The following CCNJL variants were observed in gnomAD, a reference collection of about 807,000 sequenced individuals.
The protein encoded by CCNJL is cyclin-J-like protein.
Under a neutral mutation model 33.4 loss-of-function variants are expected in CCNJL, and 33 were observed. That is an observed-to-expected ratio of 0.99 (90% confidence interval 0.75 to 1.32). The LOEUF (loss-of-function observed/expected upper bound fraction) is 1.32. CCNJL is among the 40% of genes most tolerant of loss of function. CCNJL has a pLI of 0.00. For missense variants in CCNJL, 512 were observed against 499.7 expected (o/e 1.02, Z -0.23); for synonymous variants, 227 against 220.9 (o/e 1.03, Z -0.24).
chr5:160,269,302 C>T (rs1761733794), intron 3 of CCNJL, among the ~76,000 whole-genome samples: 1 of 152,214 alleles, frequency 6.6e-6, no homozygotes, highest in Non-Finnish European at 1.5e-5. Flanking sequence ...TGACTGAAAG[C>T]AGGGCCTGCG....
intron 3 of CCNJL, among the ~76,000 whole-genome samples, chr5:160,274,206 C>T (rs981909589): frequency 1.3e-5 from 2 of 151,974 alleles, no homozygotes; most frequent in African/African-American, 4.8e-5. Flanking sequence ...CGTTTGTAAT[C>T]CCAGCACTTT....
At chr5:160,310,913 A>G (rs915981995) in intron 2 of CCNJL, among the ~76,000 whole-genome samples, 2 of 152,074 alleles carry the variant, frequency 1.3e-5, no homozygotes, top group Non-Finnish European at 2.9e-5. Flanking sequence ...CCCTGCTAAC[A>G]CCTTGATCTG....
chr5:160,298,557 C>A (rs147333252), intron 2 of CCNJL, among the ~76,000 whole-genome samples: 1 of 152,256 alleles, frequency 6.6e-6, no homozygotes, highest in East Asian at 1.9e-4. Context: ...GGAGCTAGCT[C>A]TACAACAAAT....
intron 2 of CCNJL, among the ~76,000 whole-genome samples, chr5:160,283,188 T>C (rs757900880): frequency 6.6e-6 from 1 of 151,314 alleles, no homozygotes; most frequent in East Asian, 2.0e-4. Flanking sequence ...ATATTACACA[T>C]GTTACAGCAG....
intron 5 of CCNJL, chr5:160,255,312 CA>C (rs201717811): frequency 6.2e-3 from 1,803 of 292,382 alleles, no homozygotes; most frequent in South Asian, 9.2e-3. Flanking sequence ...GACTCTGTCT[CA>C]AAAAAAAAAT....
At chr5:160,322,586 C>T (rs972278672) in intron 1 of CCNJL, among the ~76,000 whole-genome samples, 17 of 152,226 alleles carry the variant, frequency 1.1e-4, no homozygotes, top group Admixed American at 8.5e-4. Flanking sequence ...AAAATGATCT[C>T]ACGAGCATTT....
intron 4 of CCNJL, chr5:160,258,263 A>G (rs1263029452): frequency 2.8e-6 from 2 of 703,564 alleles, no homozygotes; most frequent in Admixed American, 4.0e-5. Flanking sequence ...ATGGCTGGCA[A>G]GAAGGCTGTT....
At chr5:160,324,546 C>G (rs552004118) in intron 1 of CCNJL, among the ~76,000 whole-genome samples, 1 of 152,228 alleles carries the variant, frequency 6.6e-6, no homozygotes, top group East Asian at 1.9e-4. Context: ...GTACTCCAGC[C>G]TGGGCAACAA....
chr5:160,287,997 C>A (rs1276639126), intron 2 of CCNJL, among the ~76,000 whole-genome samples: 3 of 152,172 alleles, frequency 2.0e-5, no homozygotes, highest in African/African-American at 2.4e-5. Flanking sequence ...AGCCCATCTG[C>A]CGCAGGAGTA....
intron 2 of CCNJL, among the ~76,000 whole-genome samples, chr5:160,307,512 T>C (rs960669870): frequency 1.3e-5 from 2 of 152,142 alleles, no homozygotes; most frequent in African/African-American, 4.8e-5. Context: ...TAAACTTAGG[T>C]GGATGCATCT....
At chr5:160,256,227 T>G (rs1761056934) in intron 4 of CCNJL, among the ~76,000 whole-genome samples, 1 of 152,144 alleles carries the variant, frequency 6.6e-6, no homozygotes, top group Non-Finnish European at 1.5e-5. Flanking sequence ...AACAGTGTTT[T>G]CAAAATACTG....
At chr5:160,279,860 G>A (rs1762147032) in intron 3 of CCNJL, among the ~76,000 whole-genome samples, 1 of 152,182 alleles carries the variant, frequency 6.6e-6, no homozygotes, top group South Asian at 2.1e-4. Flanking sequence ...GTGGAAGGGT[G>A]GCATGGCAGA....
intron 3 of CCNJL, among the ~76,000 whole-genome samples, chr5:160,264,282 G>C (rs377537822): frequency 7.2e-5 from 11 of 152,078 alleles, no homozygotes; most frequent in Non-Finnish European, 1.3e-4. Context: ...GCACTTCTCT[G>C]GCTCTCGGAG....
intron 3 of CCNJL, among the ~76,000 whole-genome samples, chr5:160,279,208 C>A (rs1346087699): frequency 2.6e-5 from 4 of 152,066 alleles, no homozygotes; most frequent in Non-Finnish European, 5.9e-5. Flanking sequence ...CAGCACCAAG[C>A]AGGATGAAGG....
At chr5:160,307,380 G>A (rs899472200) in intron 2 of CCNJL, among the ~76,000 whole-genome samples, 1 of 152,166 alleles carries the variant, frequency 6.6e-6, no homozygotes, top group Non-Finnish European at 1.5e-5. Flanking sequence ...TGACAAAGGA[G>A]AGGCTTAAGG....
chr5:160,321,585 A>T lies in CCNJL; in HGVS notation n.207-6080T>A, dbSNP rs75439803. 1.1e-3 allele frequency among the ~76,000 whole-genome samples: 175 copies of T among 152,324 alleles called. 1 individual carries two copies. The East Asian group carries it at 0.021, about 18-fold the overall frequency. ...TGGAGAAGGGTTGGGAAATCTATGA[A>T]AAATTTCTTGATTACGCAAGTATCA... On this transcript the variant is annotated intron_variant and non_coding_transcript_variant, in intron 1 of 7. Coordinates refer to the CCNJL transcript ENST00000377503.
chr5:160,274,366 C>T (rs946439742), intron 3 of CCNJL, among the ~76,000 whole-genome samples: 6 of 151,706 alleles, frequency 4.0e-5, no homozygotes, highest in African/African-American at 1.5e-4. Context: ...GGCTGAAGCA[C>T]GAGAATCACC....
At position 160,338,800 on chromosome 5, in the gene CCNJL, C is replaced by CT. The variant is rs148973066; in HGVS notation, n.206+644dup. 9.9e-3 allele frequency among the ~76,000 whole-genome samples: 1,493 copies of CT among 151,046 alleles called. 5 individuals are homozygous for CT. Among genetic ancestry groups the CT allele is most frequent in the South Asian group, 0.016 (76 of 4,756 alleles). On this transcript the variant is annotated intron_variant and non_coding_transcript_variant, in intron 1 of 7. Transcript: ENST00000377503. ...GTATACTAAAACTACTCTTCTTCTT[C>CT]TTTTTTTTTGAGACTAAGTCTGGCT...
At chr5:160,331,222 CTTT>C (rs574507230) in intron 1 of CCNJL, among the ~76,000 whole-genome samples, 6 of 131,416 alleles carry the variant, frequency 4.6e-5, no homozygotes, top group Admixed American at 7.6e-5. Flanking sequence ...TTCTTTCTTT[CTTT>C]TTTTTTTTTT....
Sources: gnomAD v4.1 joint callset for allele counts (sites outside exome capture counted in the v4.1 genomes callset) on GRCh38, gnomAD v4.1.1 for gene constraint, MANE v1.5 for transcripts, NCBI Gene and HGNC (gene_info 2026-07-23, HGNC 2026-07-21) for gene names.